The following MSANTD2 variants were observed in gnomAD, a reference collection of about 807,000 sequenced individuals.
The protein encoded by MSANTD2 is myb/SANT-like DNA-binding domain-containing protein 2.
MSANTD2 carries 19 observed loss-of-function variants against 52.6 expected under a neutral mutation model. That is an observed-to-expected ratio of 0.36 (90% CI 0.25 to 0.53). The LOEUF is 0.53. MSANTD2 is among the 20% of genes least tolerant of loss of function. MSANTD2 has a pLI of 0.91. For synonymous variants in MSANTD2, 291 were observed against 289.7 expected (o/e 1.00, Z -0.04); for missense variants, 558 against 716.3 (o/e 0.78, Z 2.52).
chr11:124,793,111 C>T (rs562362325), intron 1 of MSANTD2, among the ~76,000 whole-genome samples: 3 of 152,120 alleles, frequency 2.0e-5, no homozygotes, highest in Non-Finnish European at 4.4e-5. Flanking sequence ...TCCTGTCATT[C>T]CCCCTCTTAT....
At chr11:124,781,316 C>T (rs538195664) in intron 1 of MSANTD2, among the ~76,000 whole-genome samples, 1 of 152,188 alleles carries the variant, frequency 6.6e-6, no homozygotes, top group African/African-American at 2.4e-5. Context: ...TTAAATGATT[C>T]GTTATGCTGA....
chr11:124,799,737 G>A (rs1248903700), intron 1 of MSANTD2, 134 bp downstream of exon 1: 9 of 615,106 alleles, frequency 1.5e-5, no homozygotes, highest in Non-Finnish European at 2.4e-5. Flanking sequence ...AGAAGAAAAA[G>A]GCGGAGGAGA....
chr11:124,771,926 G>A (rs1332472284), intron 3 of MSANTD2, among the ~76,000 whole-genome samples: 1 of 152,094 alleles, frequency 6.6e-6, no homozygotes, highest in Non-Finnish European at 1.5e-5. Flanking sequence ...AAAAATGAAT[G>A]GCGTTCCTTA....
At chr11:124,795,023 T>A (rs1329626785) in intron 1 of MSANTD2, among the ~76,000 whole-genome samples, 1 of 152,046 alleles carries the variant, frequency 6.6e-6, no homozygotes, top group East Asian at 1.9e-4. Flanking sequence ...TAACTACAAG[T>A]GTGTGCCACC....
At chr11:124,782,197 C>T (rs1265904712) in intron 1 of MSANTD2, among the ~76,000 whole-genome samples, 1 of 151,832 alleles carries the variant, frequency 6.6e-6, no homozygotes, top group African/African-American at 2.4e-5. Context: ...CCTATAATTC[C>T]AGTACTCTGG....
chr11:124,775,764 C>G (rs1007072683), intron 1 of MSANTD2: 12 of 152,204 alleles, frequency 7.9e-5, no homozygotes, highest in African/African-American at 2.9e-4. Context: ...ATTTCACTTC[C>G]TTTTCTGCCA....
chr11:124,767,466 G>A lies in MSANTD2; in HGVS notation c.1390C>T (p.Gln464Ter). 1 of 1,614,214 alleles carries A rather than the reference G, an allele frequency of 6.2e-7. No homozygotes were observed. The highest frequency in any genetic ancestry group is 8.5e-7 in the Non-Finnish European group (1 of 1,180,038). Residue 464 changes from glutamine (Q) to a stop codon, truncating the protein, a stop_gained, in exon 4 of 4, where the codon CAG becomes TAG. Transcript: ENST00000374979. LOFTEE classifies it high-confidence loss of function. The surrounding 1 kb of genome is among the most constrained non-coding windows in gnomAD (Gnocchi z 6.5). Reference protein sequence around the residue: ...LETLSAQASLQVEIEPTRIIY... With the variant: ...LETLSAQASL ...ATTCGGGTGGGTTCTATTTCCACCTGTAATGAGGCTTGTGCTGAAAGGGTT... is the reference window on the plus strand; with the variant it reads ...ATTCGGGTGGGTTCTATTTCCACCTATAATGAGGCTTGTGCTGAAAGGGTT...
Position 124,767,748 on chromosome 11 carries a change from T to C in MSANTD2, c.1108A>G (p.Asn370Asp). Reference sequence around the variant, plus strand: ...ATCTCTAAAAATTTGTAGTAAACATTTTTCCAGTTCATTTTCTGCACTCGG... The same window carrying C: ...ATCTCTAAAAATTTGTAGTAAACATCTTTCCAGTTCATTTTCTGCACTCGG... Reference protein sequence around the residue: ...MTRVQKMNWKNVYYKFLEITI... With the variant: ...MTRVQKMNWKDVYYKFLEITI... Residue 370 changes from asparagine (N) to aspartate (D), a missense_variant, in exon 4 of 4, where the codon AAT becomes GAT. By Grantham distance (23) the Asn-to-Asp change is conservative. Around this residue, in one of 2 missense-constraint regions of MSANTD2, gnomAD observed 408 missense variants for 573.6 expected, o/e 0.71. Transcript: ENST00000374979. The surrounding 1 kb of genome is among the most constrained non-coding windows in gnomAD (Gnocchi z 6.5). The C allele has an allele frequency of 6.2e-7, 1 of 1,614,218 alleles. No individual in the cohort carries two copies. Among genetic ancestry groups the C allele is most frequent in the Non-Finnish European group, 8.5e-7 (1 of 1,180,032 alleles).
chr11:124,798,733 T>C (rs1216687336), intron 1 of MSANTD2, among the ~76,000 whole-genome samples: 1 of 152,208 alleles, frequency 6.6e-6, no homozygotes, highest in African/African-American at 2.4e-5. Context: ...TTAGACTTTA[T>C]TATTGCTCTT....
Position 124,767,547 on chromosome 11 carries a change from G to C in MSANTD2, c.1309C>G (p.Pro437Ala). The change falls in exon 4 of 4, where the codon CCA becomes GCA. Residue 437 changes from proline (P) to alanine (A), a missense_variant. This residue lies in a region of MSANTD2 where 408 missense variants were observed against 573.6 expected (regional missense o/e 0.71). Coordinates refer to ENST00000374979, the MANE Select transcript of MSANTD2 (RefSeq NM_001308027.2). The surrounding 1 kb of genome is among the most constrained non-coding windows in gnomAD (Gnocchi z 6.5). ...YEECIERPLS[P>A]HMEQSSLDPG... ...TCCAGGGAACTTTGCTCCATGTGTG[G>C]TGAGAGGGGCCTCTCAATACATTCT... The C allele has an allele frequency of 3.1e-6, 5 of 1,614,174 alleles. No homozygotes were observed. Among genetic ancestry groups the C allele is most frequent in the Non-Finnish European group, 4.2e-6 (5 of 1,180,028 alleles).
In MSANTD2 at chr11:124,775,102, A is replaced by G. The variant is rs563144001; in HGVS notation, c.511-128T>C. 1.0e-5 allele frequency: 8 copies of G among 780,410 alleles called. No homozygotes were observed. In the African/African-American group the frequency reaches 1.2e-4, roughly 12 times the overall value. The allele number at this position is 780,410 out of a possible 1,614,324, so 48.3% of individuals were successfully genotyped here. A position where few individuals can be genotyped will look rare whatever the true frequency, so the allele number is the denominator to read the frequency against. On this transcript the variant is annotated intron_variant, in intron 1 of 3. Transcript: ENST00000374979. ...ATAGACACATTGTTACAGGAATGCT[A>G]GATTTCAAATTCATTATTATATTAG...
Position 124,773,040 on chromosome 11 carries a change from T to C in MSANTD2, c.781A>G (p.Thr261Ala), listed in dbSNP as rs1190827174. Residue 261 changes from threonine to alanine, a missense_variant, in exon 3 of 4, where the codon ACA (threonine) becomes GCA (alanine). Physicochemically the swap from Thr to Ala is moderately conservative, Grantham distance 58. Coordinates refer to ENST00000374979, the MANE Select transcript of MSANTD2 (RefSeq NM_001308027.2). ...TDQELDEIPV[T>A]KRTLKIKQES... is the part of the protein sequence containing the mutation. The stretch of plus-strand genomic sequence containing the variant: ...TGTTTTATTTTTAATGTTCTCTTTG[T>C]GACAGGTATTTCATCTGAAAAGCAA... The C allele has an allele frequency of 6.3e-7, 1 of 1,596,606 alleles. No homozygotes were observed. Among genetic ancestry groups the C allele is most frequent in the East Asian group, 2.2e-5 (1 of 44,754 alleles).
intron 1 of MSANTD2, among the ~76,000 whole-genome samples, chr11:124,783,519 C>G (rs949452825): frequency 6.6e-6 from 1 of 152,034 alleles, no homozygotes; most frequent in Non-Finnish European, 1.5e-5. Context: ...ACTTGGGAGG[C>G]TGAGGCATGA....
chr11:124,775,278 A>C, intron 1 of MSANTD2: 1 of 206,242 alleles, frequency 4.8e-6, no homozygotes, highest in Non-Finnish European at 9.9e-6. Context: ...ATTTAAAAAG[A>C]ATAAGGGGGA....
chr11:124,798,293 C>T (rs1307130030), intron 1 of MSANTD2, among the ~76,000 whole-genome samples: 10 of 147,796 alleles, frequency 6.8e-5, no homozygotes, highest in Non-Finnish European at 1.5e-4. Context: ...GGCATGCCTG[C>T]AGTCCTAGCT....
At chr11:124,769,193 G>A (rs746829459) in intron 3 of MSANTD2, among the ~76,000 whole-genome samples, 4 of 152,182 alleles carry the variant, frequency 2.6e-5, no homozygotes, top group Non-Finnish European at 5.9e-5. Flanking sequence ...ACATTCTGGC[G>A]AGGCTTCACG....
chr11:124,785,387 A>T (rs1302985615), intron 1 of MSANTD2, among the ~76,000 whole-genome samples: 1 of 152,242 alleles, frequency 6.6e-6, no homozygotes, highest in Non-Finnish European at 1.5e-5. Context: ...ATGCTGGGGA[A>T]GGCTCTTGGG....
Position 124,793,215 on chromosome 11 carries a change from A to T in MSANTD2, c.510+6656T>A, listed in dbSNP as rs529616585. Among the ~76,000 whole-genome samples the T allele has an allele frequency of 2.4e-4, 36 of 152,352 alleles. No individual in the cohort carries two copies. In the South Asian group the frequency reaches 7.2e-3, roughly 31 times the overall value. ...ACTGTTTCTTTTAAATGTAACTTGA[A>T]TATTTCCTAAACAGCAAAAATTTCA... is the stretch of plus-strand genomic sequence containing the variant. On this transcript the variant is annotated intron_variant, in intron 1 of 3. Coordinates refer to ENST00000374979, the MANE Select transcript of MSANTD2 (RefSeq NM_001308027.2).
chr11:124,770,149 A>G (rs1000173968), intron 3 of MSANTD2, among the ~76,000 whole-genome samples: 1 of 152,240 alleles, frequency 6.6e-6, no homozygotes, highest in African/African-American at 2.4e-5. Flanking sequence ...CATGAAATCC[A>G]TAAAATTTGA....
Sources: allele counts gnomAD v4.1 joint callset (sites outside exome capture counted in the v4.1 genomes callset), GRCh38; gene constraint gnomAD v4.1.1; regional missense constraint gnomAD v4.1.1; non-coding constraint Gnocchi (gnomAD v3.1); transcripts MANE v1.5; gene names NCBI Gene and HGNC (gene_info 2026-07-23, HGNC 2026-07-21).